The following TWSG1 variants were observed in gnomAD, a reference collection of about 807,000 sequenced individuals.
TWSG1 encodes the protein twisted gastrulation protein homolog 1.
In TWSG1, 15 loss-of-function variants were observed where a neutral mutation model predicts 23.0. The observed-to-expected ratio is 0.65, with a 90% CI of 0.44 to 1.00. The LOEUF (loss-of-function observed/expected upper bound fraction) is 1.00, where lower values mean the gene tolerates loss of function less well. Among genes scored for constraint, TWSG1 ranks in the 50% least tolerant of loss-of-function variants. The pLI, the probability that TWSG1 is intolerant of heterozygous loss-of-function variation, is 0.00. For synonymous variants in TWSG1, 86 were observed against 92.8 expected (o/e 0.93, Z 0.42); for missense variants, 242 against 278.7 (o/e 0.87, Z 0.94).
chr18:9,368,400 G>A (rs1343015703), intron 3 of TWSG1, among the ~76,000 whole-genome samples: 3 of 152,084 alleles, frequency 2.0e-5, no homozygotes, highest in Non-Finnish European at 2.9e-5. Context: ...ATAGGGTTTC[G>A]CCATCTTGGC....
intron 2 of TWSG1, among the ~76,000 whole-genome samples, chr18:9,346,581 G>T (rs1423771998): frequency 6.6e-6 from 1 of 151,970 alleles, no homozygotes; most frequent in Non-Finnish European, 1.5e-5. Context: ...ATTCAAGATT[G>T]TAGTGAGACC....
intron 3 of TWSG1, among the ~76,000 whole-genome samples, chr18:9,394,050 T>C (rs2040723744): frequency 6.6e-6 from 1 of 152,202 alleles, no homozygotes; most frequent in Non-Finnish European, 1.5e-5. Flanking sequence ...CCCATTACTA[T>C]ACATTTATGC....
chr18:9,382,078 TTA>T (rs1427078289), intron 3 of TWSG1, among the ~76,000 whole-genome samples: 3 of 136,850 alleles, frequency 2.2e-5, no homozygotes, highest in African/African-American at 8.9e-5. Flanking sequence ...AATAATATTT[TTA>T]GTCTTTTTTT....
At chr18:9,367,985 C>T (rs1482963814) in intron 3 of TWSG1, among the ~76,000 whole-genome samples, 1 of 152,116 alleles carries the variant, frequency 6.6e-6, no homozygotes, top group Non-Finnish European at 1.5e-5. Flanking sequence ...AGAGTGCAAA[C>T]ATCTCTTTGA....
chr18:9,349,144 GA>G (rs991017028), intron 2 of TWSG1, among the ~76,000 whole-genome samples: 25 of 149,908 alleles, frequency 1.7e-4, no homozygotes, highest in East Asian at 3.9e-4. Context: ...CCTGTTTCAG[GA>G]AAAAAAAAAT....
At chr18:9,376,758 A>G (rs9957793) in intron 3 of TWSG1, among the ~76,000 whole-genome samples, 151,059 of 151,116 alleles carry the variant, frequency 1, 75,501 homozygotes, top group Middle Eastern at 1. Context: ...CTTGAGCCTA[A>G]GAGGTGGAGG....
At chr18:9,379,475 A>C (rs1010748186) in intron 3 of TWSG1, among the ~76,000 whole-genome samples, 3 of 152,112 alleles carry the variant, frequency 2.0e-5, no homozygotes, top group African/African-American at 4.8e-5. Context: ...GAACACGTGG[A>C]CAGAAGGAGG....
intron 3 of TWSG1, among the ~76,000 whole-genome samples, chr18:9,391,158 C>T (rs905177508): frequency 6.6e-6 from 1 of 152,158 alleles, no homozygotes; most frequent in Admixed American, 6.5e-5. Context: ...TCTCAAGAAA[C>T]ACTTCCTTTG....
chr18:9,389,653 C>A (rs1359233521), intron 3 of TWSG1, among the ~76,000 whole-genome samples: 1 of 152,142 alleles, frequency 6.6e-6, no homozygotes, highest in Non-Finnish European at 1.5e-5. Context: ...CTTAAACTAA[C>A]AAAATGAGGA....
At chr18:9,345,545 C>G (rs2040473126) in intron 2 of TWSG1, among the ~76,000 whole-genome samples, 1 of 152,072 alleles carries the variant, frequency 6.6e-6, no homozygotes, top group South Asian at 2.1e-4. Flanking sequence ...ATATTGCCAC[C>G]CTTGTTCAAA....
At chr18:9,364,804 A>G (rs550783954) in intron 3 of TWSG1, among the ~76,000 whole-genome samples, 15 of 152,022 alleles carry the variant, frequency 9.9e-5, no homozygotes, top group Admixed American at 3.3e-4. Flanking sequence ...AGAAAAAAAA[A>G]AAGAAGAAGA....
At chr18:9,395,684 G>A (rs963161689) in intron 3 of TWSG1, among the ~76,000 whole-genome samples, 19 of 152,096 alleles carry the variant, frequency 1.2e-4, no homozygotes, top group African/African-American at 4.6e-4. Context: ...TCCCGCCTCA[G>A]CCTCCCAAGT....
rs144422212 is a variant in TWSG1 at position 9,345,001 on chromosome 18, G to A, written c.123+7649G>A. ...CTTGAACTCCTGGTCTCAAGTGATCGTCCTGTCTTGGCCTCTCAAAGCGCT... is the reference window on the plus strand; with the variant it reads ...CTTGAACTCCTGGTCTCAAGTGATCATCCTGTCTTGGCCTCTCAAAGCGCT... On this transcript the variant is annotated intron_variant, in intron 2 of 4. Coordinates refer to ENST00000262120, the MANE Select transcript of TWSG1 (RefSeq NM_020648.6). 3.4e-3 allele frequency among the ~76,000 whole-genome samples: 512 copies of A among 152,176 alleles called. 3 individuals carry two copies. The highest frequency in any genetic ancestry group is 4.8e-3 in the Non-Finnish European group (325 of 67,998).
At chr18:9,339,649 A>G (rs1433914230) in intron 2 of TWSG1, among the ~76,000 whole-genome samples, 1 of 152,006 alleles carries the variant, frequency 6.6e-6, no homozygotes, top group East Asian at 1.9e-4. Flanking sequence ...TTACAATTAC[A>G]AAAATTAGCT....
rs529450262 is a variant in TWSG1, at chr18:9,378,572, A to ATC, written c.224-17704_224-17703dup. Reference sequence around the variant, plus strand: ...ATATACCTAACCAGTGAGATAAAAGATCTCTACAGTGAGAATTACAAAACA... The same window carrying ATC: ...ATATACCTAACCAGTGAGATAAAAGATCTCTCTACAGTGAGAATTACAAAACA... On this transcript the variant is annotated intron_variant, in intron 3 of 4. Transcript: ENST00000262120. 3.9e-3 allele frequency among the ~76,000 whole-genome samples: 593 copies of ATC among 152,372 alleles called. 1 individual carries two copies. Among genetic ancestry groups the ATC allele is most frequent in the African/African-American group, 0.013 (551 of 41,588 alleles).
Position 9,396,502 on chromosome 18 carries a change from C to T in TWSG1, c.446C>T (p.Ser149Phe). Residue 149 changes from serine (S) to phenylalanine (F), a missense_variant, in exon 4 of 5, where the codon TCT (serine) becomes TTT (phenylalanine). Coordinates refer to ENST00000262120, the MANE Select transcript of TWSG1 (RefSeq NM_020648.6). ...AACCAGCCACACCACCAGAATGTGT[C>T]TGTCCCCAGCAATAATGTTCACGCG... ...TVNQPHHQNV[S>F]VPSNNVHAPY... The T allele has an allele frequency of 1.9e-6, 3 of 1,614,004 alleles. No individual in the cohort carries two copies. The highest frequency in any genetic ancestry group is 2.5e-6 in the Non-Finnish European group (3 of 1,180,040).
At position 9,396,380 on chromosome 18, in the gene TWSG1, A is replaced by G. The variant is rs1439184577; in HGVS notation, c.324A>G (p.Thr108=). ...EPIPSLFRAL[T]EGDTQLNWNI... ...TCCCTTCTCTCTTCCGGGCACTCAC[A>G]GAAGGAGATACTCAGTTGAATTGGA... Residue 108 remains threonine (T), a synonymous_variant, in exon 4 of 5, where the codon ACA becomes ACG. Transcript: ENST00000262120. The G allele has an allele frequency of 1.2e-6, 2 of 1,614,194 alleles. No individual in the cohort carries two copies. The highest frequency in any genetic ancestry group is 1.1e-5 in the South Asian group (1 of 91,080).
chr18:9,399,572 TAA>T lies in TWSG1; in HGVS notation c.*49_*50del. On this transcript the variant is annotated 3_prime_UTR_variant, in exon 5 of 5. Coordinates refer to ENST00000262120, the MANE Select transcript of TWSG1 (RefSeq NM_020648.6). ...AAGCAACTTAGTAAAATAATAGGTA[TAA>T]AAAGTTATTCTGTAAGTCTGTTGGT... The T allele has an allele frequency of 1.3e-6, 2 of 1,507,408 alleles. No homozygotes were observed. The highest frequency in any genetic ancestry group is 1.8e-6 in the Non-Finnish European group (2 of 1,120,668). The allele number at this position is 1,507,408 out of a possible 1,614,324, so 93.4% of individuals were successfully genotyped here.
At chr18:9,382,471 C>T (rs543586256) in intron 3 of TWSG1, among the ~76,000 whole-genome samples, 13 of 151,634 alleles carry the variant, frequency 8.6e-5, no homozygotes, top group South Asian at 2.1e-4. Flanking sequence ...TGCAGTGAAC[C>T]GATATCGGGC....
Sources: allele counts gnomAD v4.1 joint callset (sites outside exome capture counted in the v4.1 genomes callset), GRCh38; gene constraint gnomAD v4.1.1; transcripts MANE v1.5; gene names NCBI Gene and HGNC (gene_info 2026-07-23, HGNC 2026-07-21).